DSCAM: variants seen among roughly 807,000 people sequenced by gnomAD.
DSCAM encodes the protein DS cell adhesion molecule, also known as cell adhesion molecule DSCAM.
Under a neutral mutation model 217.7 loss-of-function variants are expected in DSCAM, and 47 were observed. The ratio of observed to expected loss-of-function variants is 0.22; its 90% CI spans 0.17 to 0.28. DSCAM has a LOEUF of 0.28. DSCAM is among the 10% of genes least tolerant of loss of function. The probability of loss-of-function intolerance (pLI) is 1.00; values close to 1 mark genes in which losing one functional copy is unlikely to be tolerated. For synonymous variants in DSCAM, 1,056 were observed against 1,015.3 expected (o/e 1.04, Z -0.76); for missense variants, 2,080 against 2,618.3 (o/e 0.79, Z 4.49).
intron 8 of DSCAM, among the ~76,000 whole-genome samples, chr21:40,332,430 G>C (rs1449060481): frequency 1.3e-5 from 2 of 152,178 alleles, no homozygotes; most frequent in African/African-American, 4.8e-5. Flanking sequence ...CAGAGTCACT[G>C]TATTAATTAA....
chr21:40,092,624 A>C (rs2089626089), intron 21 of DSCAM, among the ~76,000 whole-genome samples: 1 of 152,262 alleles, frequency 6.6e-6, no homozygotes, highest in East Asian at 1.9e-4. Flanking sequence ...AAGAAACATT[A>C]TTGCTAATCC....
intron 24 of DSCAM, among the ~76,000 whole-genome samples, chr21:40,083,215 G>C (rs912155493): frequency 6.6e-6 from 1 of 152,198 alleles, no homozygotes; most frequent in Non-Finnish European, 1.5e-5. Flanking sequence ...GATCACCTGA[G>C]GTCAGAAGTT....
intron 1 of DSCAM, among the ~76,000 whole-genome samples, chr21:40,742,908 T>C (rs1044242357): frequency 2.0e-5 from 3 of 152,170 alleles, no homozygotes; most frequent in Non-Finnish European, 2.9e-5. Context: ...GATGAGGAAA[T>C]ACAATTATCA....
intron 3 of DSCAM, among the ~76,000 whole-genome samples, chr21:40,498,844 GA>G (rs939841889): frequency 4.5e-5 from 6 of 134,008 alleles, no homozygotes; most frequent in Non-Finnish European, 8.0e-5. Flanking sequence ...ATATATGAGA[GA>G]AAAAATATGG....
intron 15 of DSCAM, among the ~76,000 whole-genome samples, chr21:40,175,812 C>CGCAG (rs1467942808): frequency 1.7e-5 from 1 of 60,190 alleles, no homozygotes; most frequent in African/African-American, 8.3e-5. Flanking sequence ...CACACACGCA[C>CGCAG]ACACACACAC....
intron 3 of DSCAM, among the ~76,000 whole-genome samples, chr21:40,473,606 C>T (rs1335320115): frequency 6.6e-6 from 1 of 152,146 alleles, no homozygotes; most frequent in South Asian, 2.1e-4. Context: ...GCATATACAA[C>T]TATTGTCAGA....
intron 3 of DSCAM, among the ~76,000 whole-genome samples, chr21:40,526,426 G>C (rs776776189): frequency 1.3e-5 from 2 of 152,104 alleles, no homozygotes; most frequent in African/African-American, 2.4e-5. Flanking sequence ...GGGGGTGAAG[G>C]CTACTCAGAG....
intron 11 of DSCAM, chr21:40,212,508 C>T (rs2091195649): frequency 6.5e-6 from 1 of 153,968 alleles, no homozygotes; most frequent in South Asian, 2.0e-4. Context: ...CGAGATGACA[C>T]ACCCCTGTGC....
chr21:40,392,929 C>T (rs988062430), intron 3 of DSCAM, among the ~76,000 whole-genome samples: 38 of 152,122 alleles, frequency 2.5e-4, no homozygotes, highest in African/African-American at 8.9e-4. Flanking sequence ...ATAAAATTTA[C>T]AATTCAACCC....
chr21:40,298,656 G>A (rs74739444), intron 9 of DSCAM, among the ~76,000 whole-genome samples: 3,498 of 152,150 alleles, frequency 0.023, 136 homozygotes, highest in African/African-American at 0.078. Flanking sequence ...TCAAGAGCAG[G>A]TGACAAAGTT....
At chr21:40,162,955 T>C (rs1301037026) in intron 16 of DSCAM, among the ~76,000 whole-genome samples, 2 of 152,168 alleles carry the variant, frequency 1.3e-5, no homozygotes, top group African/African-American at 4.8e-5. Context: ...AAATTTTATA[T>C]CAATAGGAAA....
intron 25 of DSCAM, 117 bp from the exon 26 acceptor site, chr21:40,079,094 T>C: frequency 8.3e-7 from 1 of 1,204,326 alleles, no homozygotes; most frequent in Non-Finnish European, 1.2e-6. Flanking sequence ...AGTCCAAGTC[T>C]GGCTCACAGG....
At chr21:40,708,104 G>C (rs1051770322) in intron 2 of DSCAM, among the ~76,000 whole-genome samples, 8 of 148,914 alleles carry the variant, frequency 5.4e-5, no homozygotes, top group Admixed American at 5.3e-4. Flanking sequence ...CTAGGATGGG[G>C]TAGGGGAAGG....
chr21:40,445,177 T>C (rs1165766269), intron 3 of DSCAM, among the ~76,000 whole-genome samples: 5 of 152,302 alleles, frequency 3.3e-5, no homozygotes, highest in Admixed American at 6.5e-5. Context: ...AGTTCTCATG[T>C]CTTAATCACT....
At chr21:40,451,477 C>A (rs1260758930) in intron 3 of DSCAM, among the ~76,000 whole-genome samples, 1 of 152,050 alleles carries the variant, frequency 6.6e-6, no homozygotes. Flanking sequence ...GTTTTGTATC[C>A]ATGTGATGTA....
rs11451228 is a variant in DSCAM, at chr21:40,012,907, CT to C, written c.*126del. 9.4e-3 allele frequency: 5,108 copies of C among 545,582 alleles called. 2 individuals carry two copies. Among genetic ancestry groups the C allele is most frequent in the South Asian group, 0.017 (212 of 12,786 alleles). 33.8% of individuals were successfully genotyped at this position (545,582 alleles called of 1,614,324 possible). A position where few individuals can be genotyped will look rare whatever the true frequency, so the allele number is the denominator to read the frequency against. On this transcript the variant is annotated 3_prime_UTR_variant, in exon 33 of 33. Coordinates refer to ENST00000400454, the MANE Select transcript of DSCAM (RefSeq NM_001389.5). ...ACTGTCTGTGGTTTCAGTATTTTCT[CT>C]TTTTTTTTTTTAATATATTTTGGCA...
chr21:40,493,873 A>ATAT (rs1380592882), intron 3 of DSCAM, among the ~76,000 whole-genome samples: 19 of 137,216 alleles, frequency 1.4e-4, no homozygotes, highest in African/African-American at 4.2e-4. Flanking sequence ...CAAAAAAAAA[A>ATAT]AAAAAAATAT....
At chr21:40,804,068 C>G (rs561892361) in intron 1 of DSCAM, among the ~76,000 whole-genome samples, 200 of 95,840 alleles carry the variant, frequency 2.1e-3, no homozygotes, top group African/African-American at 9.0e-3. Flanking sequence ...AGCACCAAGT[C>G]TGTAAACACT....
intron 11 of DSCAM, among the ~76,000 whole-genome samples, chr21:40,272,764 A>G (rs1007948895): frequency 6.6e-6 from 1 of 152,156 alleles, no homozygotes; most frequent in Admixed American, 6.5e-5. Context: ...GGTCTCCCCT[A>G]TTGAATTTAG....
Sources: allele counts gnomAD v4.1 joint callset (sites outside exome capture counted in the v4.1 genomes callset), GRCh38; gene constraint gnomAD v4.1.1; transcripts MANE v1.5; gene names NCBI Gene and HGNC (gene_info 2026-07-23, HGNC 2026-07-21).